Variants in MAPKAPK2 observed in about 807,000 individuals in gnomAD.
MAPKAPK2 encodes the protein MAPK activated protein kinase 2.
MAPKAPK2 carries 9 observed loss-of-function variants against 48.8 expected under a neutral mutation model. The ratio of observed to expected loss-of-function variants is 0.18; its 90% CI spans 0.11 to 0.32. MAPKAPK2 has a LOEUF of 0.32. Among genes scored for constraint, MAPKAPK2 ranks in the 10% least tolerant of loss-of-function variants. MAPKAPK2 has a pLI of 1.00. For missense variants in MAPKAPK2, 331 were observed against 498.3 expected (o/e 0.66, Z 3.20); for synonymous variants, 202 against 190.6 (o/e 1.06, Z -0.49).
chr1:206,706,042 G>A (rs1269803092), intron 1 of MAPKAPK2, among the ~76,000 whole-genome samples: 1 of 152,128 alleles, frequency 6.6e-6, no homozygotes, highest in African/African-American at 2.4e-5. Flanking sequence ...AGTGTGGGGT[G>A]GGAATCAGCT....
chr1:206,688,999 C>G (rs1255786232), intron 1 of MAPKAPK2, among the ~76,000 whole-genome samples: 1 of 152,110 alleles, frequency 6.6e-6, no homozygotes, highest in Non-Finnish European at 1.5e-5. Flanking sequence ...TTGTATTCCC[C>G]GGGAGGGTTC....
At position 206,729,091 on chromosome 1, in the gene MAPKAPK2, C is replaced by T; in HGVS notation, c.476C>T (p.Thr159Ile). 1 of 1,614,144 alleles carries T rather than the reference C, an allele frequency of 6.2e-7. No homozygotes were observed. Among genetic ancestry groups the T allele is most frequent in the Non-Finnish European group, 8.5e-7 (1 of 1,180,014 alleles). Residue 159 changes from threonine (T) to isoleucine (I), a missense_variant, in exon 3 of 10, where the codon ACA becomes ATA. Physicochemically the swap from Thr to Ile is moderately conservative, Grantham distance 89 (BLOSUM62 -1). This residue lies in a region of MAPKAPK2 where 111 missense variants were observed against 193.6 expected (regional missense o/e 0.57). Transcript: ENST00000367103. ...RIQDRGDQAFTEREASEIMKS... is the reference protein window; with the variant it reads ...RIQDRGDQAFIEREASEIMKS... Reference sequence around the variant, plus strand: ...CAGGATCGAGGAGACCAGGCATTCACAGAAAGAGGTAGAAAGGGTCTGTTG... The same window carrying T: ...CAGGATCGAGGAGACCAGGCATTCATAGAAAGAGGTAGAAAGGGTCTGTTG...
At chr1:206,726,506 G>T (rs550795101) in intron 1 of MAPKAPK2, among the ~76,000 whole-genome samples, 2 of 152,362 alleles carry the variant, frequency 1.3e-5, no homozygotes, top group Non-Finnish European at 2.9e-5. Context: ...GCAACTATTG[G>T]CTCCGGCCAC....
chr1:206,718,428 A>T (rs2102404387), intron 1 of MAPKAPK2, among the ~76,000 whole-genome samples: 1 of 150,176 alleles, frequency 6.7e-6, no homozygotes, highest in South Asian at 2.1e-4. Flanking sequence ...GCTACTTGGG[A>T]GGCTGAGGCA....
chr1:206,689,662 T>C (rs1208148934), intron 1 of MAPKAPK2, among the ~76,000 whole-genome samples: 1 of 152,136 alleles, frequency 6.6e-6, no homozygotes, highest in African/African-American at 2.4e-5. Context: ...GAAGGTGAAA[T>C]TAACACATGT....
At chr1:206,693,767 G>A (rs191715932) in intron 1 of MAPKAPK2, among the ~76,000 whole-genome samples, 4 of 152,330 alleles carry the variant, frequency 2.6e-5, no homozygotes, top group African/African-American at 9.6e-5. Context: ...CTGTTGCTAC[G>A]TTATATTCTC....
chr1:206,701,169 C>T (rs1198353920), intron 1 of MAPKAPK2, among the ~76,000 whole-genome samples: 1 of 152,158 alleles, frequency 6.6e-6, no homozygotes, highest in African/African-American at 2.4e-5. Flanking sequence ...TTGCCTGGAT[C>T]CCACTGAGAA....
At chr1:206,710,731 C>T (rs141765116) in intron 1 of MAPKAPK2, among the ~76,000 whole-genome samples, 2 of 152,274 alleles carry the variant, frequency 1.3e-5, no homozygotes, top group African/African-American at 4.8e-5. Context: ...ATCGAAAGTG[C>T]AAAGGATAAA....
chr1:206,731,119 C>T lies in MAPKAPK2; in HGVS notation c.768-19C>T, dbSNP rs10863805. ...TGACAGCTGTTCTGTCTCCCACTTC[C>T]TTCCTCCTGTTGATGCAGGCTGTGT... is the stretch of plus-strand genomic sequence containing the variant. On this transcript the variant is annotated intron_variant, in intron 6 of 9. Transcript: ENST00000367103. This position sits in a 1 kb window ranked among gnomAD's most constrained non-coding sequence, Gnocchi z 5.9. The T allele has an allele frequency of 0.31, 497,228 of 1,613,482 alleles. 79,586 individuals carry two copies. Among genetic ancestry groups the T allele is most frequent in the East Asian group, 0.56 (25,128 of 44,862 alleles).
At chr1:206,699,224 G>C (rs1343443940) in intron 1 of MAPKAPK2, among the ~76,000 whole-genome samples, 1 of 152,116 alleles carries the variant, frequency 6.6e-6, no homozygotes, top group Non-Finnish European at 1.5e-5. Context: ...GTGGTTCCTC[G>C]TTTTGTATCT....
intron 1 of MAPKAPK2, among the ~76,000 whole-genome samples, chr1:206,706,198 C>A (rs542009499): frequency 6.6e-6 from 1 of 151,998 alleles, no homozygotes; most frequent in East Asian, 1.9e-4. Context: ...TCCTGGTCTT[C>A]CCACAGGGAC....
chr1:206,730,772 G>T lies in MAPKAPK2; in HGVS notation c.767+9G>T, dbSNP rs782335118. The T allele has an allele frequency of 1.2e-6, 2 of 1,608,620 alleles. No individual in the cohort carries two copies. The highest frequency in any genetic ancestry group is 1.3e-5 in the African/African-American group (1 of 74,606). ...GTCATCATGTACATCCTGTGAGTGT[G>T]CTGGGGAGGGGGCTGGGTGGGGCAG... On this transcript the variant is annotated intron_variant, in intron 6 of 9. Transcript: ENST00000367103.
chr1:206,716,126 A>C (rs1264568756), intron 1 of MAPKAPK2, among the ~76,000 whole-genome samples: 2 of 147,708 alleles, frequency 1.4e-5, no homozygotes, highest in African/African-American at 5.0e-5. Flanking sequence ...AACATAATTT[A>C]CTAGGTTTTT....
chr1:206,730,795 C>G, intron 6 of MAPKAPK2, 32 bp downstream of exon 6: 1 of 1,341,342 alleles, frequency 7.5e-7, no homozygotes, highest in Non-Finnish European at 1.1e-6. Flanking sequence ...CTGGGTGGGG[C>G]AGGGAGTCAG....
intron 1 of MAPKAPK2, among the ~76,000 whole-genome samples, chr1:206,720,500 T>C (rs1230895862): frequency 1.3e-5 from 2 of 152,154 alleles, no homozygotes; most frequent in Non-Finnish European, 1.5e-5. Flanking sequence ...TGCTTACAGG[T>C]GCGTGCCACC....
Position 206,729,962 on chromosome 1 carries a change from C to G in MAPKAPK2, c.565-10C>G, listed in dbSNP as rs1558588919. 6.2e-7 allele frequency: 1 copy of G among 1,614,224 alleles called. No individual in the cohort carries two copies. Among genetic ancestry groups the G allele is most frequent in the Non-Finnish European group, 8.5e-7 (1 of 1,180,032 alleles). On this transcript the variant is annotated splice_polypyrimidine_tract_variant and intron_variant, in intron 4 of 9. Coordinates refer to ENST00000367103, the MANE Select transcript of MAPKAPK2 (RefSeq NM_032960.4). ...GCAGGGTTGCTATTTTTCTGTCTCT[C>G]TTTCTGTAGCCTGAGAATCTCTTAT...
chr1:206,709,782 CTTTG>C (rs1342405427), intron 1 of MAPKAPK2, among the ~76,000 whole-genome samples: 1 of 152,048 alleles, frequency 6.6e-6, no homozygotes, highest in African/African-American at 2.4e-5. Flanking sequence ...CCAGATAAGC[CTTTG>C]TTTGTTGTGG....
chr1:206,711,723 T>G (rs954278817), intron 1 of MAPKAPK2, among the ~76,000 whole-genome samples: 1 of 150,686 alleles, frequency 6.6e-6, no homozygotes, highest in Non-Finnish European at 1.5e-5. Flanking sequence ...GCTCAAGTGA[T>G]CCTCATGTCT....
intron 4 of MAPKAPK2, among the ~76,000 whole-genome samples, 189 bp from the exon 5 acceptor site, chr1:206,729,783 C>T (rs561085235): frequency 1.3e-4 from 20 of 152,340 alleles, no homozygotes; most frequent in Admixed American, 7.8e-4. Context: ...TATCTCCAGG[C>T]ACTCTGGAAA....
Sources: allele counts gnomAD v4.1 joint callset (sites outside exome capture counted in the v4.1 genomes callset), GRCh38; gene constraint gnomAD v4.1.1; regional missense constraint gnomAD v4.1.1; non-coding constraint Gnocchi (gnomAD v3.1); transcripts MANE v1.5; gene names NCBI Gene and HGNC (gene_info 2026-07-23, HGNC 2026-07-21).